Variants in DPP8 observed in about 807,000 individuals in gnomAD.
DPP8 encodes the protein dipeptidyl peptidase 8, also known as DPP VIII.
In DPP8, 31 loss-of-function variants were observed where a neutral mutation model predicts 107.5. The observed-to-expected ratio is 0.29, with a 90% CI of 0.22 to 0.39. The LOEUF is 0.39. DPP8 is among the 10% of genes least tolerant of loss of function. The probability of loss-of-function intolerance (pLI) is 1.00; values close to 1 mark genes in which losing one functional copy is unlikely to be tolerated. For synonymous variants in DPP8, 381 were observed against 356.6 expected (o/e 1.07, Z -0.77); for missense variants, 842 against 1,076.1 (o/e 0.78, Z 3.04).
chr15:65,497,899 G>C lies in DPP8; in HGVS notation c.680C>G (p.Thr227Ser), dbSNP rs144636635. The C allele has an allele frequency of 1.0e-4, 165 of 1,586,424 alleles. No individual in the cohort carries two copies. The highest frequency in any genetic ancestry group is 1.2e-4 in the Non-Finnish European group (143 of 1,162,864). ...ATAAGTGAGTCTCCTTTCTTCTCTG[G>C]TTACGATGTTAGATATCCAAATATC... ...SNDIWISNIV[T>S]REERRLTYVH... The change falls in exon 5 of 20, where the codon ACC (threonine) becomes AGC (serine). Residue 227 changes from threonine to serine, a missense_variant. By Grantham distance (58) the Thr-to-Ser change is moderately conservative. This residue lies in a region of DPP8 where 663 missense variants were observed against 758.0 expected (regional missense o/e 0.87). Transcript: ENST00000300141.
chr15:65,472,606 G>T (rs372948118), intron 12 of DPP8, among the ~76,000 whole-genome samples: 51 of 152,224 alleles, frequency 3.4e-4, no homozygotes, highest in African/African-American at 1.2e-3. Context: ...GCCAGTAAAC[G>T]CAATTTATAA....
intron 14 of DPP8, 114 bp from the exon 15 acceptor site, chr15:65,464,020 C>A: frequency 1.4e-6 from 1 of 721,334 alleles, no homozygotes; most frequent in Non-Finnish European, 2.2e-6. Flanking sequence ...ACTGACCACC[C>A]CTCTTTCAGA....
At chr15:65,488,547 G>C (rs2140876917) in intron 6 of DPP8, among the ~76,000 whole-genome samples, 1 of 138,830 alleles carries the variant, frequency 7.2e-6, no homozygotes, top group Middle Eastern at 4.0e-3. Flanking sequence ...GGCAGACTTT[G>C]CAGTGAGCTG....
chr15:65,487,957 A>G, intron 6 of DPP8, 139 bp from the exon 7 acceptor site: 1 of 634,732 alleles, frequency 1.6e-6, no homozygotes, highest in Non-Finnish European at 2.7e-6. Context: ...TTGTAGGAAA[A>G]TATCACTAGT....
intron 3 of DPP8, among the ~76,000 whole-genome samples, chr15:65,502,007 A>G (rs947253118): frequency 1.3e-5 from 2 of 152,158 alleles, no homozygotes; most frequent in Non-Finnish European, 2.9e-5. Flanking sequence ...CTCATGCCTC[A>G]GCCTCCTGAG....
Position 65,446,744 on chromosome 15 carries a change from G to T in DPP8, c.*140C>A, listed in dbSNP as rs752091928. On this transcript the variant is annotated 3_prime_UTR_variant, in exon 20 of 20. Coordinates refer to ENST00000300141, the MANE Select transcript of DPP8 (RefSeq NM_130434.5). ...TACCACAAACCGTAGACCCCTGCATGGCACCACATTTATTTTCAGGAGTAG... is the reference window on the plus strand; with the variant it reads ...TACCACAAACCGTAGACCCCTGCATTGCACCACATTTATTTTCAGGAGTAG... The T allele has an allele frequency of 4.1e-5, 33 of 798,352 alleles. No homozygotes were observed. Among genetic ancestry groups the T allele is most frequent in the Admixed American group, 8.9e-5 (3 of 33,542 alleles). 49.5% of individuals were successfully genotyped at this position (798,352 alleles called of 1,614,324 possible). A position where few individuals can be genotyped will look rare whatever the true frequency, so the allele number is the denominator to read the frequency against.
chr15:65,482,683 G>C (rs2067039012), intron 8 of DPP8, among the ~76,000 whole-genome samples: 1 of 152,024 alleles, frequency 6.6e-6, no homozygotes, highest in African/African-American at 2.4e-5. Context: ...AACTGCAAAG[G>C]ATCTGAATAG....
chr15:65,492,973 T>C (rs879558120), intron 5 of DPP8, among the ~76,000 whole-genome samples: 2 of 152,200 alleles, frequency 1.3e-5, no homozygotes, highest in Non-Finnish European at 2.9e-5. Context: ...TAATGTACAG[T>C]GCAAACCAAT....
At chr15:65,464,982 G>T (rs1352511159) in intron 14 of DPP8, among the ~76,000 whole-genome samples, 3 of 151,958 alleles carry the variant, frequency 2.0e-5, no homozygotes, top group Non-Finnish European at 4.4e-5. Flanking sequence ...AGCCTAACCA[G>T]AACTCAGAAA....
chr15:65,481,713 T>A, intron 8 of DPP8, 98 bp from the exon 9 acceptor site: 3 of 727,860 alleles, frequency 4.1e-6, no homozygotes, highest in South Asian at 4.4e-5. Context: ...AAGCAGAAAA[T>A]TTTTCCAGAG....
At position 65,491,384 on chromosome 15, in the gene DPP8, C is replaced by G. The variant is rs576736276; in HGVS notation, c.716-1085G>C. 2.4e-4 allele frequency among the ~76,000 whole-genome samples: 36 copies of G among 152,122 alleles called. No homozygotes were observed. The East Asian group carries it at 3.9e-3, about 16-fold the overall frequency. On this transcript the variant is annotated intron_variant, in intron 5 of 19. Transcript: ENST00000300141. ...TATAATTTACAAATTCTTAAATGTA[C>G]TGTTTATTTTTGAAAAATACATATA...
Position 65,512,438 on chromosome 15 carries a change from C to T in DPP8, c.116G>A (p.Arg39Gln), listed in dbSNP as rs1295539241. Residue 39 changes from arginine to glutamine, a missense_variant, in exon 2 of 20, where the codon CGG becomes CAG. Around this residue, in one of 2 missense-constraint regions of DPP8, gnomAD observed 663 missense variants for 758.0 expected, o/e 0.87. Coordinates refer to ENST00000300141, the MANE Select transcript of DPP8 (RefSeq NM_130434.5). ...RPKLEPFYVE[R>Q]YSWSQLKKLL... ...CTTTTTAAGCTGACTCCAGGAATAC[C>T]GCTCAACATAAAAAGGCTCCAATTT... 6 of 1,613,970 alleles carry T rather than the reference C, an allele frequency of 3.7e-6. No individual in the cohort carries two copies. The highest frequency in any genetic ancestry group is 4.2e-6 in the Non-Finnish European group (5 of 1,180,032).
At chr15:65,500,019 C>A (rs1317987027) in intron 4 of DPP8, among the ~76,000 whole-genome samples, 1 of 152,150 alleles carries the variant, frequency 6.6e-6, no homozygotes, top group Non-Finnish European at 1.5e-5. Context: ...CCTCAGACTC[C>A]TGAGTATCTG....
intron 7 of DPP8, among the ~76,000 whole-genome samples, chr15:65,486,505 G>C (rs1232014648): frequency 6.6e-6 from 1 of 152,052 alleles, no homozygotes; most frequent in African/African-American, 2.4e-5. Context: ...AGTGAGCCAA[G>C]ATCACACCAC....
intron 2 of DPP8, among the ~76,000 whole-genome samples, chr15:65,508,522 A>G (rs2070352827): frequency 6.6e-6 from 1 of 152,216 alleles, no homozygotes; most frequent in Non-Finnish European, 1.5e-5. Flanking sequence ...TATGAACCAA[A>G]GAAAACATAA....
At chr15:65,497,080 G>GA (rs2068679687) in intron 5 of DPP8, among the ~76,000 whole-genome samples, 1 of 152,038 alleles carries the variant, frequency 6.6e-6, no homozygotes, top group Non-Finnish European at 1.5e-5. Flanking sequence ...AGTAGAGACA[G>GA]GGTTTCATCA....
intron 3 of DPP8, among the ~76,000 whole-genome samples, chr15:65,505,706 G>A (rs1455671417): frequency 6.6e-6 from 1 of 150,868 alleles, no homozygotes; most frequent in Non-Finnish European, 1.5e-5. Flanking sequence ...ATCCCAGCAC[G>A]TTGGGAAGCT....
chr15:65,468,391 A>G (rs1218181392), intron 12 of DPP8, among the ~76,000 whole-genome samples: 4 of 152,048 alleles, frequency 2.6e-5, no homozygotes, highest in Non-Finnish European at 4.4e-5. Flanking sequence ...GCTACTTGGA[A>G]GGCTGAAGTA....
chr15:65,504,414 G>T (rs1197244707), intron 3 of DPP8, among the ~76,000 whole-genome samples: 1 of 151,320 alleles, frequency 6.6e-6, no homozygotes, highest in Non-Finnish European at 1.5e-5. Context: ...GCTCACGCTT[G>T]TAATTCCAGC....
Sources: gnomAD v4.1 joint callset for allele counts (sites outside exome capture counted in the v4.1 genomes callset) on GRCh38, gnomAD v4.1.1 for gene constraint, gnomAD v4.1.1 regional missense constraint, MANE v1.5 for transcripts, NCBI Gene and HGNC (gene_info 2026-07-23, HGNC 2026-07-21) for gene names.